The following ADARB2 variants were observed in gnomAD, a reference collection of about 807,000 sequenced individuals.
ADARB2 encodes the protein adenosine deaminase RNA specific B2 (inactive).
A neutral mutation model predicts 62.2 loss-of-function variants in ADARB2; 25 were observed. The observed-to-expected ratio is 0.40, with a 90% CI of 0.29 to 0.56. The LOEUF is 0.56. ADARB2 is among the 20% of genes least tolerant of loss of function. ADARB2 has a pLI of 0.43. For missense variants in ADARB2, 1,071 were observed against 1,077.4 expected (o/e 0.99, Z 0.08); for synonymous variants, 572 against 500.8 (o/e 1.14, Z -1.90).
At chr10:1,339,220 C>G (rs1223790743) in intron 3 of ADARB2, among the ~76,000 whole-genome samples, 1 of 152,242 alleles carries the variant, frequency 6.6e-6, no homozygotes, top group East Asian at 1.9e-4. Flanking sequence ...CAGGTTAACC[C>G]TGCCCCATGG....
At chr10:1,401,153 C>A (rs1438143736) in intron 1 of ADARB2, among the ~76,000 whole-genome samples, 3 of 152,040 alleles carry the variant, frequency 2.0e-5, no homozygotes, top group Non-Finnish European at 4.4e-5. Flanking sequence ...TCAGGCCCAG[C>A]GTCACCCTCC....
At chr10:1,538,045 G>C (rs1008577526) in intron 1 of ADARB2, among the ~76,000 whole-genome samples, 4 of 152,226 alleles carry the variant, frequency 2.6e-5, no homozygotes, top group Non-Finnish European at 5.9e-5. Flanking sequence ...TCCTCCTAGA[G>C]CAAGGTGGTG....
intron 1 of ADARB2, among the ~76,000 whole-genome samples, chr10:1,504,287 C>T (rs1831806365): frequency 6.6e-6 from 1 of 152,206 alleles, no homozygotes; most frequent in African/African-American, 2.4e-5. Context: ...ACTTGCACAC[C>T]TTTCTTCACA....
chr10:1,608,388 T>C (rs563853261), intron 1 of ADARB2, among the ~76,000 whole-genome samples: 23 of 151,578 alleles, frequency 1.5e-4, no homozygotes, highest in Admixed American at 1.3e-3. Flanking sequence ...AAATAGTGAG[T>C]GTGCAGTGCA....
intron 1 of ADARB2, among the ~76,000 whole-genome samples, chr10:1,529,063 C>T (rs1475484266): frequency 2.8e-5 from 4 of 143,402 alleles, no homozygotes; most frequent in Non-Finnish European, 6.2e-5. Context: ...ACAAATCCTC[C>T]AATCAGTCCA....
intron 1 of ADARB2, among the ~76,000 whole-genome samples, chr10:1,715,336 C>T (rs952631832): frequency 1.3e-5 from 2 of 152,026 alleles, no homozygotes; most frequent in Admixed American, 6.5e-5. Flanking sequence ...TTATGGCAAT[C>T]CTGTGAAATT....
At chr10:1,293,416 T>G (rs951342674) in intron 3 of ADARB2, among the ~76,000 whole-genome samples, 8 of 56,304 alleles carry the variant, frequency 1.4e-4, no homozygotes, top group Non-Finnish European at 3.2e-4. Context: ...GTGGTCTGTT[T>G]TAGCCCCGTC....
chr10:1,439,154 C>A (rs1194518938), intron 1 of ADARB2, among the ~76,000 whole-genome samples: 1 of 142,082 alleles, frequency 7.0e-6, no homozygotes, highest in African/African-American at 2.7e-5. Flanking sequence ...GAGGCAGGCC[C>A]TTCACGATGG....
At chr10:1,519,173 T>A (rs1034291888) in intron 1 of ADARB2, among the ~76,000 whole-genome samples, 1 of 151,902 alleles carries the variant, frequency 6.6e-6, no homozygotes, top group African/African-American at 2.4e-5. Context: ...CCTTATAACG[T>A]CTGCATGTGG....
At chr10:1,200,751 A>C (rs1453830759) in intron 7 of ADARB2, among the ~76,000 whole-genome samples, 1 of 151,910 alleles carries the variant, frequency 6.6e-6, no homozygotes, top group Non-Finnish European at 1.5e-5. Context: ...GAGCACTGAC[A>C]TTTTTTCCCC....
Position 1,449,790 on chromosome 10 carries a change from T to C in ADARB2, c.101-70630A>G, listed in dbSNP as rs150600261. On this transcript the variant is annotated intron_variant, in intron 1 of 9. Transcript: ENST00000381312. ...TCTCCAGGTCCAATTTAATCTCTAT[T>C]AGGCACTCAATGGCTAAATTAAGGA... Among the ~76,000 whole-genome samples the C allele has an allele frequency of 3.6e-3, 548 of 152,310 alleles. 8 individuals carry two copies. The highest frequency in any genetic ancestry group is 0.024 in the Admixed American group (374 of 15,300).
intron 1 of ADARB2, among the ~76,000 whole-genome samples, chr10:1,538,822 C>G (rs963280687): frequency 2.0e-5 from 3 of 152,188 alleles, no homozygotes; most frequent in Non-Finnish European, 4.4e-5. Flanking sequence ...CTGACCCTGG[C>G]TGCTGCCGCA....
intron 1 of ADARB2, among the ~76,000 whole-genome samples, chr10:1,565,476 A>G (rs1832848624): frequency 6.6e-6 from 1 of 152,128 alleles, no homozygotes; most frequent in South Asian, 2.1e-4. Flanking sequence ...AATTTCTGAA[A>G]TGGAACTGAA....
At chr10:1,270,448 CGTT>C (rs1409086746) in intron 4 of ADARB2, among the ~76,000 whole-genome samples, 4 of 152,174 alleles carry the variant, frequency 2.6e-5, no homozygotes, top group East Asian at 1.9e-4. Flanking sequence ...GTTGGTGGCT[CGTT>C]GTTTCCACAG....
rs1836966043 is a variant in ADARB2, at chr10:1,200,140, C to A, written c.1690G>T (p.Val564Phe). Residue 564 changes from valine to phenylalanine, a missense_variant, in exon 8 of 10, where the codon GTC becomes TTC. Val to Phe is a conservative substitution (Grantham distance 50). Coordinates refer to ENST00000381312, the MANE Select transcript of ADARB2 (RefSeq NM_018702.4). Reference sequence around the variant, plus strand: ...AGGAGCGCGCCCTGCAGCCCCAGGACGTTCCACCTGTGGGGAGAGCCAGCA... The same window carrying A: ...AGGAGCGCGCCCTGCAGCCCCAGGAAGTTCCACCTGTGGGGAGAGCCAGCA... ...SCTDKIARWN[V>F]LGLQGALLSH... 1 of 1,550,316 alleles carries A rather than the reference C, an allele frequency of 6.5e-7. No individual in the cohort carries two copies. The highest frequency in any genetic ancestry group is 2.0e-5 in the Admixed American group (1 of 51,022).
chr10:1,514,370 G>C (rs1831982402), intron 1 of ADARB2, among the ~76,000 whole-genome samples: 1 of 151,612 alleles, frequency 6.6e-6, no homozygotes, highest in East Asian at 1.9e-4. Context: ...ACAGCCGTCA[G>C]TTCTCCACTG....
At chr10:1,195,513 T>C (rs995503063) in intron 8 of ADARB2, among the ~76,000 whole-genome samples, 5 of 151,182 alleles carry the variant, frequency 3.3e-5, no homozygotes, top group Non-Finnish European at 5.9e-5. Flanking sequence ...AGAGCACATC[T>C]AGGCAGAGAC....
intron 1 of ADARB2, among the ~76,000 whole-genome samples, chr10:1,541,504 C>T (rs1399689392): frequency 3.8e-5 from 2 of 53,204 alleles, no homozygotes; most frequent in Non-Finnish European, 6.9e-5. Flanking sequence ...CCGTCCAGAC[C>T]CCACTCAGAC....
At chr10:1,688,584 G>A (rs1418129360) in intron 1 of ADARB2, among the ~76,000 whole-genome samples, 2 of 152,214 alleles carry the variant, frequency 1.3e-5, no homozygotes, top group African/African-American at 2.4e-5. Context: ...GCAGCCCAGC[G>A]GGGTCCCTCC....
Sources: gnomAD v4.1 joint callset for allele counts (sites outside exome capture counted in the v4.1 genomes callset) on GRCh38, gnomAD v4.1.1 for gene constraint, MANE v1.5 for transcripts, NCBI Gene and HGNC (gene_info 2026-07-23, HGNC 2026-07-21) for gene names.